The following IGSF21 variants were observed in gnomAD, a reference collection of about 807,000 sequenced individuals.
IGSF21 encodes immunoglobulin superfamily member 21.
IGSF21 carries 28 observed loss-of-function variants against 46.8 expected under a neutral mutation model. The observed-to-expected ratio is 0.60, with a 90% CI of 0.44 to 0.82. The LOEUF (loss-of-function observed/expected upper bound fraction) is 0.82. Ranked by LOEUF, IGSF21 falls within the 40% of genes least tolerant of loss-of-function variation. The pLI is 0.00. For missense variants in IGSF21, 624 were observed against 665.5 expected (o/e 0.94, Z 0.69); for synonymous variants, 284 against 273.6 (o/e 1.04, Z -0.38).
At chr1:18,214,991 C>T (rs548877882) in intron 1 of IGSF21, among the ~76,000 whole-genome samples, 8 of 152,280 alleles carry the variant, frequency 5.3e-5, no homozygotes, top group South Asian at 4.1e-4. Context: ...CCGCCCTCCT[C>T]GGCCTCCCAA....
At chr1:18,283,678 T>C (rs12732186) in intron 2 of IGSF21, among the ~76,000 whole-genome samples, 43,669 of 151,834 alleles carry the variant, frequency 0.29, 8,276 homozygotes, top group Non-Finnish European at 0.4. Flanking sequence ...TCAACACCCC[T>C]GCCCTGGTTT....
intron 1 of IGSF21, among the ~76,000 whole-genome samples, chr1:18,139,826 T>C (rs529324270): frequency 6.6e-6 from 1 of 152,268 alleles, no homozygotes; most frequent in Non-Finnish European, 1.5e-5. Context: ...TGAGGCAGCA[T>C]CCCTGGCCAG....
chr1:18,359,379 A>AAAGAAAGAAAGG (rs2086064379), intron 4 of IGSF21, among the ~76,000 whole-genome samples: 1 of 82,320 alleles, frequency 1.2e-5, no homozygotes, highest in African/African-American at 5.2e-5. Flanking sequence ...AGAAAGAAAG[A>AAAGAAAGAAAGG]AAGAAAGGAA....
rs569887458 is a variant in IGSF21, at chr1:18,181,372, C to T, written c.71-46526C>T. Among the ~76,000 whole-genome samples, 228 of 152,326 alleles carry T rather than the reference C, an allele frequency of 1.5e-3. 1 individual carries two copies. In the Middle Eastern group the frequency reaches 0.02, roughly 14 times the overall value. ...GGGTGCGTTTAATTACAGGACCATG[C>T]ACACTGACCCAAACGCTGTTTTGGC... On this transcript the variant is annotated intron_variant, in intron 1 of 9. Transcript: ENST00000251296.
chr1:18,141,241 G>A (rs1412458292), intron 1 of IGSF21, among the ~76,000 whole-genome samples: 3 of 152,162 alleles, frequency 2.0e-5, no homozygotes, highest in African/African-American at 7.2e-5. Flanking sequence ...GAGAGAGAGA[G>A]TTTAAAGCTC....
rs147399463 is a variant in IGSF21 at position 18,321,241 on chromosome 1, C to G, written c.306-13651C>G. On this transcript the variant is annotated intron_variant, in intron 3 of 9. Coordinates refer to ENST00000251296, the MANE Select transcript of IGSF21 (RefSeq NM_032880.5). ...CCAGAAGCAGAGGCAGGTTGTGCAC[C>G]AGGCCTCCATGTTGCTGTAGAGCCA... Among the ~76,000 whole-genome samples, 452 of 152,272 alleles carry G rather than the reference C, an allele frequency of 3.0e-3. 2 individuals are homozygous for G. The highest frequency in any genetic ancestry group is 0.011 in the African/African-American group (440 of 41,552).
Position 18,208,397 on chromosome 1 carries a change from T to TA in IGSF21, c.71-19501_71-19500insA, listed in dbSNP as rs368652183. On this transcript the variant is annotated intron_variant, in intron 1 of 9. Transcript: ENST00000251296. ...GAATAATATATATATATATATATATTTTTTGAGACGGAGTCTTGCTGTCTC... is the reference window on the plus strand; with the variant it reads ...GAATAATATATATATATATATATATTATTTTGAGACGGAGTCTTGCTGTCTC... Among the ~76,000 whole-genome samples the TA allele has an allele frequency of 3.3e-3, 302 of 92,436 alleles. 31 individuals carry two copies. The highest frequency in any genetic ancestry group is 6.9e-3 in the East Asian group (25 of 3,618). The allele number at this position is 92,436 out of a possible 152,430, so 60.6% of individuals were successfully genotyped here. A position where few individuals can be genotyped will look rare whatever the true frequency, so the allele number is the denominator to read the frequency against.
intron 1 of IGSF21, among the ~76,000 whole-genome samples, chr1:18,211,375 G>A (rs1310124877): frequency 6.6e-6 from 1 of 152,242 alleles, no homozygotes; most frequent in East Asian, 1.9e-4. Context: ...CAAATCCAGA[G>A]AGCAAAGCCA....
rs969245472 is a variant in IGSF21, at chr1:18,240,314, G to A, written c.183+12304G>A. 5.3e-5 allele frequency among the ~76,000 whole-genome samples: 8 copies of A among 152,148 alleles called. No individual in the cohort carries two copies. In the East Asian group the frequency reaches 9.6e-4, roughly 18 times the overall value. On this transcript the variant is annotated intron_variant, in intron 2 of 9. Coordinates refer to ENST00000251296, the MANE Select transcript of IGSF21 (RefSeq NM_032880.5). The stretch of plus-strand genomic sequence containing the variant: ...AAACAAAGAAACCCAAAACAAATAC[G>A]CAAAACAAGGTAGCCCTGTCTTTTG...
Position 18,293,527 on chromosome 1 carries a change from G to A in IGSF21, c.305+1540G>A, listed in dbSNP as rs572945757. 1.3e-4 allele frequency among the ~76,000 whole-genome samples: 20 copies of A among 152,178 alleles called. No individual in the cohort carries two copies. The East Asian group carries it at 2.7e-3, about 21-fold the overall frequency. The stretch of plus-strand genomic sequence containing the variant: ...TGTGTGAAGAGGTGTGTGAACAGCC[G>A]CACAAACTCCTTCATCCCCCTAGTT... On this transcript the variant is annotated intron_variant, in intron 3 of 9. Coordinates refer to ENST00000251296, the MANE Select transcript of IGSF21 (RefSeq NM_032880.5).
intron 2 of IGSF21, among the ~76,000 whole-genome samples, chr1:18,278,591 T>G (rs746461452): frequency 1.3e-5 from 2 of 151,334 alleles, no homozygotes; most frequent in Non-Finnish European, 2.9e-5. Context: ...TCTTGTCCTG[T>G]CACCCAGGCT....
At chr1:18,364,885 C>T (rs910025510) in intron 5 of IGSF21, among the ~76,000 whole-genome samples, 3 of 152,182 alleles carry the variant, frequency 2.0e-5, no homozygotes, top group African/African-American at 7.2e-5. Context: ...TCCCCATTTC[C>T]CATGTGGTTC....
intron 1 of IGSF21, among the ~76,000 whole-genome samples, chr1:18,156,640 A>ACTTTCTCTGG (rs2086572472): frequency 6.6e-6 from 1 of 152,182 alleles, no homozygotes; most frequent in African/African-American, 2.4e-5. Context: ...TCTCCTCTTA[A>ACTTTCTCTGG]TTTAGCTCAA....
intron 1 of IGSF21, among the ~76,000 whole-genome samples, chr1:18,144,151 G>C (rs970504912): frequency 5.9e-5 from 9 of 152,150 alleles, no homozygotes; most frequent in Non-Finnish European, 1.2e-4. Flanking sequence ...GGTCCTCTCG[G>C]GGAGGAGGCA....
At chr1:18,374,555 C>T (rs765381174) in intron 6 of IGSF21, among the ~76,000 whole-genome samples, 42 of 152,212 alleles carry the variant, frequency 2.8e-4, no homozygotes, top group Non-Finnish European at 5.6e-4. Flanking sequence ...GCAGATGCAG[C>T]TGTAGAACCA....
intron 1 of IGSF21, among the ~76,000 whole-genome samples, chr1:18,211,297 C>G (rs1292143052): frequency 6.6e-6 from 1 of 152,208 alleles, no homozygotes. Flanking sequence ...TTTGATCCTG[C>G]AAGAAGAGTC....
intron 1 of IGSF21, among the ~76,000 whole-genome samples, chr1:18,163,455 C>T (rs4920299): frequency 0.34 from 50,961 of 152,002 alleles, 9,864 homozygotes; most frequent in East Asian, 0.64. Flanking sequence ...TCCCAATTTC[C>T]TTGGCACTTG....
intron 2 of IGSF21, among the ~76,000 whole-genome samples, chr1:18,255,073 G>C (rs537876676): frequency 6.6e-6 from 1 of 152,190 alleles, no homozygotes; most frequent in Non-Finnish European, 1.5e-5. Context: ...TGACCCCAGC[G>C]AAAGTGACAA....
intron 3 of IGSF21, among the ~76,000 whole-genome samples, chr1:18,327,046 CA>C (rs924723528): frequency 6.6e-5 from 10 of 152,150 alleles, no homozygotes; most frequent in Middle Eastern, 3.2e-3. Context: ...AAAAGAGGGT[CA>C]GGGGCACCCA....
Sources: gnomAD v4.1 joint callset for allele counts (sites outside exome capture counted in the v4.1 genomes callset) on GRCh38, gnomAD v4.1.1 for gene constraint, MANE v1.5 for transcripts, NCBI Gene and HGNC (gene_info 2026-07-23, HGNC 2026-07-21) for gene names.